Variants in MMD observed in about 807,000 individuals in gnomAD.
The protein encoded by MMD is monocyte to macrophage differentiation factor.
Under a neutral mutation model 33.6 loss-of-function variants are expected in MMD, and 22 were observed. The observed-to-expected ratio is 0.66, with a 90% CI of 0.47 to 0.94. The LOEUF (loss-of-function observed/expected upper bound fraction) is 0.94. MMD is among the 40% of genes least tolerant of loss of function. The pLI is 0.00. For missense variants in MMD, 242 were observed against 309.8 expected (o/e 0.78, Z 1.64); for synonymous variants, 97 against 103.2 (o/e 0.94, Z 0.36).
intron 1 of MMD, among the ~76,000 whole-genome samples, chr17:55,414,552 C>CCGTA (rs1907890909): frequency 1.0e-5 from 1 of 98,636 alleles, no homozygotes; most frequent in African/African-American, 4.5e-5. Context: ...CCCTCCTCCT[C>CCGTA]CATTCACACA....
At chr17:55,398,714 G>A (rs962542368) in intron 6 of MMD, among the ~76,000 whole-genome samples, 2 of 152,070 alleles carry the variant, frequency 1.3e-5, no homozygotes, top group Non-Finnish European at 2.9e-5. Flanking sequence ...GTTTGTCTGG[G>A]CCTTGTTATG....
chr17:55,396,201 TTCATTA>T (rs1372697982), intron 6 of MMD, among the ~76,000 whole-genome samples: 6 of 152,332 alleles, frequency 3.9e-5, no homozygotes, highest in East Asian at 3.9e-4. Context: ...GAATTTTTTT[TTCATTA>T]TCATTATCAT....
At chr17:55,403,196 A>C (rs1280285041) in intron 5 of MMD, among the ~76,000 whole-genome samples, 1 of 152,212 alleles carries the variant, frequency 6.6e-6, no homozygotes, top group Non-Finnish European at 1.5e-5. Flanking sequence ...CCTCTAGAGC[A>C]AAGATACTAA....
At chr17:55,414,329 G>T in intron 1 of MMD, 97 bp from the exon 2 acceptor site, 7 of 1,130,040 alleles carry the variant, frequency 6.2e-6, no homozygotes, top group Non-Finnish European at 9.2e-6. Flanking sequence ...TCTACGCAAA[G>T]AAGTGACTGG....
intron 1 of MMD, among the ~76,000 whole-genome samples, chr17:55,414,495 C>G (rs766735484): frequency 4.1e-5 from 6 of 146,710 alleles, no homozygotes; most frequent in Non-Finnish European, 9.0e-5. Flanking sequence ...AAGCAAACTT[C>G]TACAACCAAA....
intron 3 of MMD, among the ~76,000 whole-genome samples, chr17:55,409,119 A>C (rs575182912): frequency 2.2e-4 from 34 of 152,358 alleles, no homozygotes; most frequent in African/African-American, 7.9e-4. Context: ...AATGGGTTTC[A>C]GTCTACTAGT....
At chr17:55,399,740 T>C (rs561409150) in intron 6 of MMD, among the ~76,000 whole-genome samples, 2 of 152,344 alleles carry the variant, frequency 1.3e-5, no homozygotes, top group African/African-American at 4.8e-5. Context: ...TGATCTCTTT[T>C]TCTTTAATAG....
At position 55,403,852 on chromosome 17, in the gene MMD, G is replaced by A; in HGVS notation, c.361C>T (p.Leu121Phe). The A allele has an allele frequency of 6.2e-7, 1 of 1,612,984 alleles. No individual in the cohort carries two copies. The highest frequency in any genetic ancestry group is 8.5e-7 in the Non-Finnish European group (1 of 1,179,368). Residue 121 changes from leucine (L) to phenylalanine (F), a missense_variant, in exon 5 of 7, where the codon CTT (leucine) becomes TTT (phenylalanine). Transcript: ENST00000262065. Reference sequence around the variant, plus strand: ...CGCATATGAGATGCCAGGGGTCCAAGTTCACGAAGATTTAACCTAAAAATG... The same window carrying A: ...CGCATATGAGATGCCAGGGGTCCAAATTCACGAAGATTTAACCTAAAAATG... ...SYAPWLNLRE[L>F]GPLASHMRWF...
At chr17:55,414,400 T>A (rs956237440) in intron 1 of MMD, among the ~76,000 whole-genome samples, 168 bp from the exon 2 acceptor site, 1 of 152,114 alleles carries the variant, frequency 6.6e-6, no homozygotes, top group African/African-American at 2.4e-5. Context: ...ACTGAGCCAA[T>A]AGCAATGATC....
intron 6 of MMD, among the ~76,000 whole-genome samples, chr17:55,400,750 T>A (rs1743206591): frequency 6.6e-6 from 1 of 152,052 alleles, no homozygotes; most frequent in African/African-American, 2.4e-5. Flanking sequence ...GATGGAACCA[T>A]GAAGTCGTAA....
chr17:55,417,176 A>G (rs1198601840), intron 1 of MMD, among the ~76,000 whole-genome samples: 1 of 152,194 alleles, frequency 6.6e-6, no homozygotes, highest in Non-Finnish European at 1.5e-5. Context: ...CAGTAGATCA[A>G]ATCCCACAAG....
At chr17:55,411,115 T>C (rs1907742348) in intron 3 of MMD, 142 bp downstream of exon 3, 1 of 922,370 alleles carries the variant, frequency 1.1e-6, no homozygotes, top group Non-Finnish European at 1.6e-6. Context: ...AAGTCCTGAA[T>C]AATGGGATAG....
At chr17:55,395,779 C>A (rs1482740802) in intron 6 of MMD, among the ~76,000 whole-genome samples, 2 of 152,156 alleles carry the variant, frequency 1.3e-5, no homozygotes, top group African/African-American at 4.8e-5. Context: ...AAAACAAAGA[C>A]AAAATACCAC....
chr17:55,415,982 C>T (rs1567851938), intron 1 of MMD, among the ~76,000 whole-genome samples: 1 of 152,118 alleles, frequency 6.6e-6, no homozygotes, highest in Non-Finnish European at 1.5e-5. Flanking sequence ...CTATACAGCT[C>T]TTATTAGCAA....
At chr17:55,417,013 A>G (rs1268225233) in intron 1 of MMD, among the ~76,000 whole-genome samples, 1 of 151,936 alleles carries the variant, frequency 6.6e-6, no homozygotes, top group Admixed American at 6.6e-5. Flanking sequence ...CCCCTCTCCC[A>G]TGCCATGACA....
chr17:55,411,689 C>G (rs1374408941), intron 2 of MMD, among the ~76,000 whole-genome samples: 1 of 143,386 alleles, frequency 7.0e-6, no homozygotes, highest in Admixed American at 6.9e-5. Context: ...TGTTGCAAAA[C>G]AGATGGTTTT....
intron 5 of MMD, among the ~76,000 whole-genome samples, chr17:55,401,864 G>C (rs941687898): frequency 6.6e-6 from 1 of 152,058 alleles, no homozygotes; most frequent in Non-Finnish European, 1.5e-5. Flanking sequence ...ACGAGGTCAG[G>C]AGATCGAGAC....
At chr17:55,402,918 T>C (rs1323170148) in intron 5 of MMD, among the ~76,000 whole-genome samples, 1 of 152,252 alleles carries the variant, frequency 6.6e-6, no homozygotes, top group South Asian at 2.1e-4. Context: ...TTTAGTATTT[T>C]CTGATAAACA....
chr17:55,400,576 T>C (rs1307895546), intron 6 of MMD, among the ~76,000 whole-genome samples: 1 of 151,724 alleles, frequency 6.6e-6, no homozygotes, highest in African/African-American at 2.4e-5. Context: ...AAAAGGTTCT[T>C]ACAATGTGCC....
Sources: gnomAD v4.1 joint callset for allele counts (sites outside exome capture counted in the v4.1 genomes callset) on GRCh38, gnomAD v4.1.1 for gene constraint, MANE v1.5 for transcripts, NCBI Gene and HGNC (gene_info 2026-07-23, HGNC 2026-07-21) for gene names.